The following ITGB5 variants were observed in gnomAD, a reference collection of about 807,000 sequenced individuals.
The protein encoded by ITGB5 is integrin subunit beta 5.
In ITGB5, 38 loss-of-function variants were observed where a neutral mutation model predicts 84.8. That is an observed-to-expected ratio of 0.45 (90% CI 0.35 to 0.59). The LOEUF (loss-of-function observed/expected upper bound fraction) is 0.59, where lower values mean the gene tolerates loss of function less well. ITGB5 is among the 20% of genes least tolerant of loss of function. ITGB5 has a pLI of 0.01. For missense variants in ITGB5, 905 were observed against 1,034.5 expected (o/e 0.87, Z 1.72); for synonymous variants, 393 against 414.4 (o/e 0.95, Z 0.63).
intron 7 of ITGB5, among the ~76,000 whole-genome samples, chr3:124,819,065 G>A (rs578232654): frequency 1.3e-5 from 2 of 152,302 alleles, no homozygotes; most frequent in South Asian, 2.1e-4. Context: ...GAAGGAGCAC[G>A]TTCATGTGGG....
chr3:124,786,297 A>G (rs1438661812), intron 10 of ITGB5, among the ~76,000 whole-genome samples: 4 of 152,050 alleles, frequency 2.6e-5, no homozygotes, highest in Non-Finnish European at 5.9e-5. Context: ...AACACTTTGG[A>G]AGGCTGAGAA....
intron 3 of ITGB5, among the ~76,000 whole-genome samples, chr3:124,851,347 A>T (rs1454241606): frequency 6.6e-6 from 1 of 152,076 alleles, no homozygotes; most frequent in Non-Finnish European, 1.5e-5. Context: ...CACAAAGAAA[A>T]CTTTGGCCTC....
Position 124,859,330 on chromosome 3 carries a change from G to T in ITGB5, c.273C>A (p.Ser91Arg), listed in dbSNP as rs769302446. ...CCGAACCCTTGCTGCTGAGGGGCAG[G>T]CTCCTCAGGACATGGAAGCTGCTGG... is the stretch of plus-strand genomic sequence containing the variant. Reference protein sequence around the residue: ...SPASSFHVLRSLPLSSKGSGS... With the variant: ...SPASSFHVLRRLPLSSKGSGS... Residue 91 changes from serine (S) to arginine (R), a missense_variant, in exon 3 of 15, where the codon AGC (serine) becomes AGA (arginine). This residue lies in a region of ITGB5 where 656 missense variants were observed against 734.7 expected (regional missense o/e 0.89). Coordinates refer to ENST00000296181, the MANE Select transcript of ITGB5 (RefSeq NM_002213.5). 5.0e-6 allele frequency: 8 copies of T among 1,614,160 alleles called. No individual in the cohort carries two copies. The highest frequency in any genetic ancestry group is 6.8e-6 in the Non-Finnish European group (8 of 1,180,028).
chr3:124,896,196 T>C (rs1395706787), intron 1 of ITGB5, among the ~76,000 whole-genome samples: 1 of 152,152 alleles, frequency 6.6e-6, no homozygotes, highest in Non-Finnish European at 1.5e-5. Flanking sequence ...CCAAGAGGCC[T>C]CCATCAGCTT....
intron 2 of ITGB5, among the ~76,000 whole-genome samples, chr3:124,868,618 C>CAAAAAAAAA (rs67873873): frequency 3.8e-4 from 26 of 68,134 alleles, no homozygotes; most frequent in Admixed American, 6.6e-4. Flanking sequence ...TGTTCTCTAC[C>CAAAAAAAAA]AAAAAAAAAA....
chr3:124,869,225 G>A (rs760024274), intron 2 of ITGB5, among the ~76,000 whole-genome samples: 3 of 152,132 alleles, frequency 2.0e-5, no homozygotes, highest in Admixed American at 6.5e-5. Flanking sequence ...TGGGATATAT[G>A]GTTAAGAAGG....
Position 124,765,211 on chromosome 3 carries a change from T to C in ITGB5, c.2138-654A>G, listed in dbSNP as rs138556622. On this transcript the variant is annotated intron_variant, in intron 13 of 14. Coordinates refer to ENST00000296181, the MANE Select transcript of ITGB5 (RefSeq NM_002213.5). Reference sequence around the variant, plus strand: ...TTTTTCTGCTCCACCCCTGCCTCCCTACCCCCAAGAAGAATGTAAGGGGTG... The same window carrying C: ...TTTTTCTGCTCCACCCCTGCCTCCCCACCCCCAAGAAGAATGTAAGGGGTG... Among the ~76,000 whole-genome samples, 427 of 152,310 alleles carry C rather than the reference T, an allele frequency of 2.8e-3. 2 individuals carry two copies. Among genetic ancestry groups the C allele is most frequent in the African/African-American group, 9.8e-3 (408 of 41,554 alleles).
chr3:124,783,443 T>G (rs1217454564), intron 10 of ITGB5, among the ~76,000 whole-genome samples: 1 of 152,174 alleles, frequency 6.6e-6, no homozygotes, highest in Non-Finnish European at 1.5e-5. Flanking sequence ...CCTCATCTCA[T>G]TAGCCTACAA....
intron 4 of ITGB5, among the ~76,000 whole-genome samples, chr3:124,845,477 A>G (rs1011819531): frequency 1.3e-5 from 2 of 152,250 alleles, no homozygotes; most frequent in East Asian, 3.8e-4. Flanking sequence ...AGAGCTTCAC[A>G]TAACTCAGGC....
At chr3:124,785,586 A>C (rs2064070356) in intron 10 of ITGB5, among the ~76,000 whole-genome samples, 1 of 103,628 alleles carries the variant, frequency 9.6e-6, no homozygotes, top group South Asian at 3.0e-4. Flanking sequence ...CTCCATCTCA[A>C]AAAAAAAAAA....
intron 5 of ITGB5, 90 bp downstream of exon 5, chr3:124,841,293 C>T: frequency 7.6e-7 from 1 of 1,310,360 alleles, no homozygotes; most frequent in South Asian, 1.4e-5. Flanking sequence ...TGCTGGGGCA[C>T]TCAAAGACTC....
Position 124,796,565 on chromosome 3 carries a change from G to C in ITGB5, c.1516C>G (p.Gln506Glu). ...CGGCACAGGTTCTGGTACACGCTCT[G>C]GTTCTCCCCATCCTGGCACTCGCAC... ...TRCECQDGEN[Q>E]SVYQNLCREA... The change falls in exon 10 of 15, where the codon CAG becomes GAG. Residue 506 changes from glutamine to glutamate, a missense_variant. By Grantham distance (29) the Gln-to-Glu change is conservative (BLOSUM62 2). Around this residue, in one of 3 missense-constraint regions of ITGB5, gnomAD observed 656 missense variants for 734.7 expected, o/e 0.89. Coordinates refer to ENST00000296181, the MANE Select transcript of ITGB5 (RefSeq NM_002213.5). 1.2e-6 allele frequency: 2 copies of C among 1,614,124 alleles called. No homozygotes were observed. The highest frequency in any genetic ancestry group is 1.7e-6 in the Non-Finnish European group (2 of 1,180,036).
At chr3:124,886,258 A>G (rs1934798135) in intron 1 of ITGB5, among the ~76,000 whole-genome samples, 1 of 148,358 alleles carries the variant, frequency 6.7e-6, no homozygotes, top group Non-Finnish European at 1.5e-5. Context: ...AAGGAATTTA[A>G]TAGGGAAGTC....
At chr3:124,878,669 C>A (rs1934438973) in intron 1 of ITGB5, 1 of 152,174 alleles carries the variant, frequency 6.6e-6, no homozygotes. Flanking sequence ...CTCCAGGATC[C>A]AAAACCACAG....
chr3:124,871,815 G>C (rs985957934), intron 2 of ITGB5, among the ~76,000 whole-genome samples: 10 of 151,488 alleles, frequency 6.6e-5, no homozygotes, highest in Non-Finnish European at 1.3e-4. Flanking sequence ...GACAGAGCAA[G>C]ATCCTGTCTC....
At chr3:124,766,131 G>T in intron 13 of ITGB5, 95 bp downstream of exon 13, 1 of 1,317,808 alleles carries the variant, frequency 7.6e-7, no homozygotes, top group Non-Finnish European at 1.1e-6. Flanking sequence ...GGCCGATGAG[G>T]ACAGAAAGGG....
intron 12 of ITGB5, among the ~76,000 whole-genome samples, chr3:124,768,760 G>A (rs2063801195): frequency 6.6e-6 from 1 of 152,162 alleles, no homozygotes; most frequent in Admixed American, 6.5e-5. Context: ...CTGTATACCT[G>A]GGAGTGGAAT....
intron 2 of ITGB5, among the ~76,000 whole-genome samples, chr3:124,866,765 G>A (rs1340431967): frequency 1.3e-5 from 2 of 152,178 alleles, no homozygotes; most frequent in African/African-American, 4.8e-5. Context: ...AACCCTCAGG[G>A]ATTTGAGGGG....
chr3:124,845,883 T>C (rs906117059), intron 4 of ITGB5, among the ~76,000 whole-genome samples: 3 of 152,276 alleles, frequency 2.0e-5, no homozygotes, highest in Middle Eastern at 3.4e-3. Context: ...TTGCTCCTGG[T>C]AAGCAGCAAA....
Sources: gnomAD v4.1 joint callset for allele counts (sites outside exome capture counted in the v4.1 genomes callset) on GRCh38, gnomAD v4.1.1 for gene constraint, gnomAD v4.1.1 regional missense constraint, MANE v1.5 for transcripts, NCBI Gene and HGNC (gene_info 2026-07-23, HGNC 2026-07-21) for gene names.